The following WASF1 variants were observed in gnomAD, a reference collection of about 807,000 sequenced individuals.
WASF1 encodes actin-binding protein WASF1.
A neutral mutation model predicts 50.5 loss-of-function variants in WASF1; 7 were observed. That is an observed-to-expected ratio of 0.14 (90% CI 0.08 to 0.26). The LOEUF is 0.26. Among genes scored for constraint, WASF1 ranks in the 10% least tolerant of loss-of-function variants. WASF1 has a pLI of 1.00. For synonymous variants in WASF1, 205 were observed against 244.0 expected (o/e 0.84, Z 1.49); for missense variants, 470 against 694.7 (o/e 0.68, Z 3.64).
chr6:110,172,503 C>T (rs1373225776), intron 2 of WASF1, among the ~76,000 whole-genome samples: 1 of 151,832 alleles, frequency 6.6e-6, no homozygotes, highest in Non-Finnish European at 1.5e-5. Context: ...AAAATCAGTG[C>T]CACTATTCAA....
At chr6:110,125,829 A>G (rs1774393631) in intron 4 of WASF1, among the ~76,000 whole-genome samples, 1 of 152,194 alleles carries the variant, frequency 6.6e-6, no homozygotes, top group African/African-American at 2.4e-5. Context: ...TATAATTTTC[A>G]GAGTTTCGCT....
rs1210928277 is a variant in WASF1 at position 110,101,642 on chromosome 6, T to C, written c.1468A>G (p.Thr490Ala). ...CTGGCATCACTGATTACAGGTAGGG[T>C]TGATGGATGGCGCTTTGGCTCAGAA... ...PASEPKRHPSTLPVISDARSV... is the reference protein window; with the variant it reads ...PASEPKRHPSALPVISDARSV... The change falls in exon 10 of 11, where the codon ACC (threonine) becomes GCC (alanine). Residue 490 changes from threonine to alanine, a missense_variant. Coordinates refer to ENST00000392589, the MANE Select transcript of WASF1 (RefSeq NM_003931.3). The C allele has an allele frequency of 6.2e-7, 1 of 1,613,860 alleles. No homozygotes were observed. Among genetic ancestry groups the C allele is most frequent in the Non-Finnish European group, 8.5e-7 (1 of 1,179,908 alleles).
At chr6:110,171,237 C>T (rs1776699975) in intron 2 of WASF1, among the ~76,000 whole-genome samples, 1 of 152,110 alleles carries the variant, frequency 6.6e-6, no homozygotes, top group African/African-American at 2.4e-5. Context: ...TATATGCTCT[C>T]AGACCACAAT....
At position 110,101,650 on chromosome 6, in the gene WASF1, T is replaced by C. The variant is rs1458896127; in HGVS notation, c.1460A>G (p.His487Arg). 5.0e-6 allele frequency: 8 copies of C among 1,613,936 alleles called. No individual in the cohort carries two copies. The highest frequency in any genetic ancestry group is 2.2e-5 in the East Asian group (1 of 44,880). Residue 487 changes from histidine to arginine, a missense_variant, in exon 10 of 11, where the codon CAT becomes CGT. Physicochemically the swap from His to Arg is conservative, Grantham distance 29. Coordinates refer to ENST00000392589, the MANE Select transcript of WASF1 (RefSeq NM_003931.3). ...QVIPASEPKR[H>R]PSTLPVISDA... ...ACTGATTACAGGTAGGGTTGATGGATGGCGCTTTGGCTCAGAAGCAGGTAT... is the reference window on the plus strand; with the variant it reads ...ACTGATTACAGGTAGGGTTGATGGACGGCGCTTTGGCTCAGAAGCAGGTAT...
At chr6:110,129,026 C>A (rs566772629) in intron 3 of WASF1, among the ~76,000 whole-genome samples, 1 of 152,066 alleles carries the variant, frequency 6.6e-6, no homozygotes, top group South Asian at 2.1e-4. Flanking sequence ...CTGTCTTCCA[C>A]GAAACTAGTC....
chr6:110,166,892 T>G (rs1776500100), intron 2 of WASF1, among the ~76,000 whole-genome samples: 2 of 151,928 alleles, frequency 1.3e-5, no homozygotes, highest in African/African-American at 4.8e-5. Context: ...TATTTTTTTG[T>G]GTGAAAAAAA....
chr6:110,154,552 G>C (rs570915026), intron 3 of WASF1, among the ~76,000 whole-genome samples: 1 of 151,658 alleles, frequency 6.6e-6, no homozygotes, highest in African/African-American at 2.4e-5. Flanking sequence ...AGAAGCAATG[G>C]GCATAAAAAT....
intron 5 of WASF1, among the ~76,000 whole-genome samples, chr6:110,109,734 A>T (rs6928173): frequency 0.24 from 35,075 of 148,086 alleles, 6,044 homozygotes; most frequent in African/African-American, 0.5. Flanking sequence ...TTTTTTTTTT[A>T]AATTTTTAGT....
intron 9 of WASF1, 102 bp downstream of exon 9, chr6:110,103,276 A>C: frequency 7.5e-7 from 1 of 1,325,496 alleles, no homozygotes; most frequent in Non-Finnish European, 1.0e-6. Flanking sequence ...CTTGTGACAA[A>C]AACTGTAAGG....
At position 110,126,965 on chromosome 6, in the gene WASF1, T is replaced by A. The variant is rs189659646; in HGVS notation, c.133+504A>T. On this transcript the variant is annotated intron_variant, in intron 4 of 10. Transcript: ENST00000392589. Reference sequence around the variant, plus strand: ...CTGCATATCAGATTCCTGACTTATATCCTAATGTCTCTTAGACATCCCACT... The same window carrying A: ...CTGCATATCAGATTCCTGACTTATAACCTAATGTCTCTTAGACATCCCACT... Among the ~76,000 whole-genome samples the A allele has an allele frequency of 5.2e-3, 794 of 152,218 alleles. 11 individuals are homozygous for A. The highest frequency in any genetic ancestry group is 0.019 in the African/African-American group (770 of 41,542).
intron 3 of WASF1, among the ~76,000 whole-genome samples, chr6:110,146,348 TTGGCAAGTTAAATAATTTGAGTATAAGAA>T (rs1775560339): frequency 6.6e-6 from 1 of 151,558 alleles, no homozygotes; most frequent in Non-Finnish European, 1.5e-5. Flanking sequence ...TTTTGCACAA[TTGGCAAGTTAAATAATTTGAGTATAAGAA>T]TGTTTAAATA....
chr6:110,133,139 C>T (rs942734757), intron 3 of WASF1, among the ~76,000 whole-genome samples: 6 of 151,942 alleles, frequency 3.9e-5, no homozygotes, highest in Non-Finnish European at 8.8e-5. Flanking sequence ...ATCCACTTGT[C>T]GAATGATAAG....
intron 6 of WASF1, 108 bp downstream of exon 6, chr6:110,108,420 T>C (rs1773420084): frequency 8.9e-7 from 1 of 1,123,818 alleles, no homozygotes; most frequent in Non-Finnish European, 1.2e-6. Flanking sequence ...CAGAGAGGGC[T>C]CTCTGTGTTG....
Position 110,101,923 on chromosome 6 carries a change from G to A in WASF1, c.1187C>T (p.Pro396Leu), listed in dbSNP as rs1272809779. 5.6e-6 allele frequency: 9 copies of A among 1,611,490 alleles called. No individual in the cohort carries two copies. Among genetic ancestry groups the A allele is most frequent in the Non-Finnish European group, 7.6e-6 (9 of 1,178,828 alleles). Residue 396 changes from proline (P) to leucine (L), a missense_variant, in exon 10 of 11, where the codon CCC (proline) becomes CTC (leucine). By Grantham distance (98) the Pro-to-Leu change is moderately conservative. Coordinates refer to ENST00000392589, the MANE Select transcript of WASF1 (RefSeq NM_003931.3). ...GGCAGCTCTAGCTACTGGTGGAGAG[G>A]GCTGTACTAGAGGAGGTGCAATTGG... Reference protein sequence around the residue: ...PPPIAPPLVQPSPPVARAAPV... With the variant: ...PPPIAPPLVQLSPPVARAAPV...
chr6:110,122,656 A>AT (rs1198725554), intron 4 of WASF1, among the ~76,000 whole-genome samples: 20 of 152,066 alleles, frequency 1.3e-4, no homozygotes, highest in African/African-American at 4.6e-4. Flanking sequence ...CAGTAAGTAT[A>AT]TTTTTTCTTA....
At position 110,127,533 on chromosome 6, in the gene WASF1, C is replaced by T; in HGVS notation, c.69G>A (p.Lys23=). Reference sequence around the variant, plus strand: ...TATTGGTTACACATTCCAGTTCATTCTTAATGCCTCTAGGCAGTGCTGTGT... The same window carrying T: ...TATTGGTTACACATTCCAGTTCATTTTTAATGCCTCTAGGCAGTGCTGTGT... The part of the protein sequence containing the change: ...LCHTALPRGI[K]NELECVTNIS... Residue 23 remains lysine (K), a synonymous_variant, in exon 4 of 11, where the codon AAG becomes AAA. Coordinates refer to ENST00000392589, the MANE Select transcript of WASF1 (RefSeq NM_003931.3). The T allele has an allele frequency of 6.2e-7, 1 of 1,604,422 alleles. No homozygotes were observed. The highest frequency in any genetic ancestry group is 1.1e-5 in the South Asian group (1 of 88,274).
chr6:110,161,054 G>C (rs1776242977), intron 2 of WASF1, among the ~76,000 whole-genome samples: 1 of 151,118 alleles, frequency 6.6e-6, no homozygotes, highest in South Asian at 2.1e-4. Flanking sequence ...TATCTGACTG[G>C]AAAATCTTTA....
At chr6:110,108,413 A>G in intron 6 of WASF1, 115 bp downstream of exon 6, 1 of 1,044,988 alleles carries the variant, frequency 9.6e-7, no homozygotes, top group Non-Finnish European at 1.4e-6. Flanking sequence ...TGGTGGACAG[A>G]GAGGGCTCTC....
chr6:110,146,351 G>T (rs1188494254), intron 3 of WASF1, among the ~76,000 whole-genome samples: 2 of 151,342 alleles, frequency 1.3e-5, no homozygotes, highest in African/African-American at 2.4e-5. Context: ...TGCACAATTG[G>T]CAAGTTAAAT....
Sources: allele counts gnomAD v4.1 joint callset (sites outside exome capture counted in the v4.1 genomes callset), GRCh38; gene constraint gnomAD v4.1.1; transcripts MANE v1.5; gene names NCBI Gene and HGNC (gene_info 2026-07-23, HGNC 2026-07-21).